CTNND2: variants seen among roughly 807,000 people sequenced by gnomAD.
The protein encoded by CTNND2 is catenin delta 2.
In CTNND2, 22 loss-of-function variants were observed where a neutral mutation model predicts 144.4. The ratio of observed to expected loss-of-function variants is 0.15; its 90% confidence interval spans 0.11 to 0.22. The LOEUF is 0.22. CTNND2 is among the 10% of genes least tolerant of loss of function. The pLI is 1.00. For missense variants in CTNND2, 1,353 were observed against 1,618.8 expected, an observed-to-expected ratio of 0.84 and a Z score of 2.82; for synonymous variants, 751 against 695.6, an observed-to-expected ratio of 1.08 and a Z score of -1.25.
At chr5:10,979,785 C>A (rs1736984982) in intron 21 of CTNND2, among the ~76,000 whole-genome samples, 1 of 152,142 alleles carries the variant, frequency 6.6e-6, no homozygotes, top group South Asian at 2.1e-4. Flanking sequence ...ACAAACCTGA[C>A]ACAAACAAGC....
At chr5:11,895,842 T>A (rs1737354891) in intron 1 of CTNND2, among the ~76,000 whole-genome samples, 1 of 151,958 alleles carries the variant, frequency 6.6e-6, no homozygotes, top group Non-Finnish European at 1.5e-5. Context: ...CACCAACAAA[T>A]TAGAAAATAT....
chr5:11,888,901 A>G (rs1177099119), intron 1 of CTNND2, among the ~76,000 whole-genome samples: 1 of 151,918 alleles, frequency 6.6e-6, no homozygotes, highest in Non-Finnish European at 1.5e-5. Flanking sequence ...ACAGGCACGT[A>G]CCACCATGCC....
chr5:11,519,392 T>C (rs764314007), intron 3 of CTNND2, among the ~76,000 whole-genome samples: 12 of 152,162 alleles, frequency 7.9e-5, no homozygotes, highest in Non-Finnish European at 1.6e-4. Flanking sequence ...TTGATTCATC[T>C]TACACATCTT....
At chr5:11,449,224 A>C (rs907369244) in intron 3 of CTNND2, among the ~76,000 whole-genome samples, 2 of 152,144 alleles carry the variant, frequency 1.3e-5, no homozygotes, top group Admixed American at 6.5e-5. Flanking sequence ...TTTCAAGGTT[A>C]TTTACAGATA....
chr5:11,770,970 CA>C (rs376926228), intron 1 of CTNND2, among the ~76,000 whole-genome samples: 83 of 152,182 alleles, frequency 5.5e-4, no homozygotes, highest in African/African-American at 1.9e-3. Flanking sequence ...ATGAGAAACA[CA>C]ACTATATCTT....
In CTNND2 at chr5:11,098,690, A is replaced by T. The variant is rs200059300; in HGVS notation, c.2522T>A (p.Leu841Gln). 6.2e-7 allele frequency: 1 copy of T among 1,614,196 alleles called. No individual in the cohort carries two copies. ...GGGTTTGACTATTGATGGGTGCCAC[A>T]GCATCTGGATCCCTTTTGGTGGTTC... ...CAEPPKGIQM[L>Q]WHPSIVKPYL... Residue 841 changes from leucine (L) to glutamine (Q), a missense_variant, in exon 15 of 22, where the codon CTG (leucine) becomes CAG (glutamine). Coordinates refer to ENST00000304623, the MANE Select transcript of CTNND2 (RefSeq NM_001332.4).
intron 9 of CTNND2, among the ~76,000 whole-genome samples, chr5:11,270,962 A>C (rs549071664): frequency 1.3e-5 from 2 of 152,362 alleles, no homozygotes; most frequent in African/African-American, 4.8e-5. Context: ...AATACAAACT[A>C]GGAAAATAAA....
intron 1 of CTNND2, among the ~76,000 whole-genome samples, chr5:11,746,778 T>C (rs533160772): frequency 2.0e-5 from 3 of 152,308 alleles, no homozygotes; most frequent in East Asian, 1.9e-4. Context: ...TAAATGCTTA[T>C]TGAATAAGTC....
intron 3 of CTNND2, among the ~76,000 whole-genome samples, chr5:11,438,244 T>C (rs1429893396): frequency 6.6e-6 from 1 of 152,232 alleles, no homozygotes. Context: ...GATTCAATTA[T>C]ATATTTCCAT....
chr5:11,023,425 A>G (rs1418426502), intron 16 of CTNND2, among the ~76,000 whole-genome samples: 1 of 152,276 alleles, frequency 6.6e-6, no homozygotes, highest in Non-Finnish European at 1.5e-5. Flanking sequence ...GAATTCTAAC[A>G]TAACCCTCAA....
intron 10 of CTNND2, among the ~76,000 whole-genome samples, chr5:11,226,333 A>G (rs1740352508): frequency 6.6e-6 from 1 of 150,908 alleles, no homozygotes; most frequent in Non-Finnish European, 1.5e-5. Context: ...CTCTTCACCC[A>G]CTCCTTATTG....
intron 10 of CTNND2, among the ~76,000 whole-genome samples, chr5:11,224,342 AC>A (rs1740104171): frequency 6.6e-6 from 1 of 152,134 alleles, no homozygotes; most frequent in Non-Finnish European, 1.5e-5. Flanking sequence ...AATAGTGCTC[AC>A]TGTGGATCAC....
chr5:11,844,797 G>C (rs1794654017), intron 1 of CTNND2, among the ~76,000 whole-genome samples: 1 of 152,016 alleles, frequency 6.6e-6, no homozygotes, highest in Non-Finnish European at 1.5e-5. Context: ...TTTCTTCCTA[G>C]TAAATTCCAT....
rs577302887 is a variant in CTNND2 at position 11,240,958 on chromosome 5, C to A, written c.1629-4135G>T. Among the ~76,000 whole-genome samples the A allele has an allele frequency of 8.1e-5, 12 of 148,520 alleles. No individual in the cohort carries two copies. The East Asian group carries it at 2.2e-3, about 28-fold the overall frequency. ...AACACACACACTGAGCACACACACC[C>A]AATACATATACACCCACATCATGCA... is the stretch of plus-strand genomic sequence containing the variant. On this transcript the variant is annotated intron_variant, in intron 9 of 21. Coordinates refer to ENST00000304623, the MANE Select transcript of CTNND2 (RefSeq NM_001332.4).
chr5:11,492,743 C>T (rs1457950926), intron 3 of CTNND2, among the ~76,000 whole-genome samples: 1 of 151,576 alleles, frequency 6.6e-6, no homozygotes, highest in African/African-American at 2.4e-5. Context: ...TATATACATA[C>T]CTATATTTAT....
chr5:11,380,903 G>T (rs1028650975), intron 7 of CTNND2, among the ~76,000 whole-genome samples: 3 of 152,112 alleles, frequency 2.0e-5, no homozygotes, highest in Non-Finnish European at 2.9e-5. Context: ...ACTTTCTAAT[G>T]GCTACATGCA....
intron 12 of CTNND2, among the ~76,000 whole-genome samples, chr5:11,125,174 C>T (rs1384581791): frequency 1.3e-5 from 2 of 152,156 alleles, no homozygotes; most frequent in Non-Finnish European, 2.9e-5. Context: ...GCCACTGGGT[C>T]TGCTGACTCC....
chr5:11,610,699 A>G (rs1417985568), intron 2 of CTNND2, among the ~76,000 whole-genome samples: 1 of 152,208 alleles, frequency 6.6e-6, no homozygotes, highest in Non-Finnish European at 1.5e-5. Context: ...CAAAATATCC[A>G]GAGAGTTCTA....
intron 3 of CTNND2, among the ~76,000 whole-genome samples, chr5:11,510,034 C>T (rs1771487769): frequency 6.6e-6 from 1 of 152,158 alleles, no homozygotes; most frequent in African/African-American, 2.4e-5. Context: ...TGGGCTCAAG[C>T]GATCCACCCT....
Sources: gnomAD v4.1 joint callset for allele counts (sites outside exome capture counted in the v4.1 genomes callset) on GRCh38, gnomAD v4.1.1 for gene constraint, MANE v1.5 for transcripts, NCBI Gene and HGNC (gene_info 2026-07-23, HGNC 2026-07-21) for gene names.